Variants in DCHS2 observed in about 807,000 individuals in gnomAD.
DCHS2 encodes dachsous cadherin-related 2.
Under a neutral mutation model 182.4 loss-of-function variants are expected in DCHS2, and 142 were observed. That is an observed-to-expected ratio of 0.78 (90% CI 0.68 to 0.89). The LOEUF (loss-of-function observed/expected upper bound fraction) is 0.89. Ranked by LOEUF, DCHS2 falls within the 40% of genes least tolerant of loss-of-function variation. The pLI, the probability that DCHS2 is intolerant of heterozygous loss-of-function variation, is 0.00. For synonymous variants in DCHS2, 1,740 were observed against 1,663.3 expected, an observed-to-expected ratio of 1.05 and a Z score of -1.12; for missense variants, 4,319 against 4,198.6, an observed-to-expected ratio of 1.03 and a Z score of -0.79.
chr4:154,321,679 C>A (rs185552562), intron 8 of DCHS2, among the ~76,000 whole-genome samples: 2 of 152,230 alleles, frequency 1.3e-5, no homozygotes, highest in South Asian at 2.1e-4. Context: ...TTTCTCTTAA[C>A]CCACATACCC....
chr4:154,258,195 C>T (rs1369495171), intron 15 of DCHS2, among the ~76,000 whole-genome samples: 1 of 152,084 alleles, frequency 6.6e-6, no homozygotes, highest in Non-Finnish European at 1.5e-5. Context: ...AGCAATCAGG[C>T]TGCTATAAAA....
Position 154,489,564 on chromosome 4 carries a change from G to C in DCHS2, c.1792C>G (p.His598Asp). The part of the protein sequence containing the change: ...NLGSLQSKMV[H>D]TAECGPSFAI... ...AAAGATGGTCCACACTCTGCGGTGTGGACCATCTTTGATTGCAGGGAGCCG... is the reference window on the plus strand; with the variant it reads ...AAAGATGGTCCACACTCTGCGGTGTCGACCATCTTTGATTGCAGGGAGCCG... The change falls in exon 1 of 20, where the codon CAC becomes GAC. Residue 598 changes from histidine to aspartate, a missense_variant. Physicochemically the swap from His to Asp is moderately conservative, Grantham distance 81. Transcript: ENST00000357232. The C allele has an allele frequency of 1.3e-6, 2 of 1,551,158 alleles. No individual in the cohort carries two copies. The highest frequency in any genetic ancestry group is 8.7e-7 in the Non-Finnish European group (1 of 1,146,658).
rs772344108 is a variant in DCHS2, at chr4:154,234,861, A to G, written c.9791T>C (p.Met3264Thr). Residue 3264 changes from methionine (M) to threonine (T), a missense_variant, in exon 20 of 20, where the codon ATG (methionine) becomes ACG (threonine). Met to Thr is a moderately conservative substitution (Grantham distance 81). Coordinates refer to ENST00000357232, the MANE Select transcript of DCHS2 (RefSeq NM_001358235.2). ...IAKLKDEHLH[M>T]PGIPKEKKSF... is the part of the protein sequence containing the mutation. ...TTTCTTCTCTTTTGGAATGCCAGGC[A>G]TATGCAAATGTTCATCCTTTAGTTT... 9.9e-6 allele frequency: 16 copies of G among 1,614,146 alleles called. No homozygotes were observed. The South Asian group carries it at 1.5e-4, about 16-fold the overall frequency.
chr4:154,297,711 T>G, intron 13 of DCHS2, 140 bp downstream of exon 13: 1 of 1,366,034 alleles, frequency 7.3e-7, no homozygotes, highest in Non-Finnish European at 9.8e-7. Context: ...CTTAACCATG[T>G]TTATTCCAAT....
chr4:154,290,477 T>G (rs1319248310), intron 13 of DCHS2, among the ~76,000 whole-genome samples: 1 of 151,900 alleles, frequency 6.6e-6, no homozygotes, highest in Non-Finnish European at 1.5e-5. Flanking sequence ...CCCATCATAG[T>G]CAAAGCTATC....
chr4:154,413,744 C>T (rs563752346), intron 1 of DCHS2, among the ~76,000 whole-genome samples: 1 of 152,304 alleles, frequency 6.6e-6, no homozygotes, highest in East Asian at 1.9e-4. Flanking sequence ...TATAAGATGG[C>T]CCTCCTTACC....
chr4:154,361,069 G>C (rs1730095515), intron 3 of DCHS2, among the ~76,000 whole-genome samples: 1 of 151,054 alleles, frequency 6.6e-6, no homozygotes, highest in South Asian at 2.1e-4. Context: ...GAATAGATAA[G>C]CTACATTCTG....
chr4:154,320,293 T>A, intron 9 of DCHS2, 86 bp downstream of exon 9: 1 of 1,520,804 alleles, frequency 6.6e-7, no homozygotes, highest in African/African-American at 1.4e-5. Context: ...ATTGTACACT[T>A]AAAACTTTGT....
intron 1 of DCHS2, among the ~76,000 whole-genome samples, chr4:154,415,600 A>T (rs1319709712): frequency 6.6e-6 from 1 of 152,222 alleles, no homozygotes; most frequent in Non-Finnish European, 1.5e-5. Context: ...TGGGGGAAAG[A>T]CAGAAAGACT....
rs761506572 is a variant in DCHS2, at chr4:154,236,784, AG to A, written c.7867del (p.Leu2623TrpfsTer23). 6.2e-7 allele frequency: 1 copy of A among 1,614,022 alleles called. No individual in the cohort carries two copies. Among genetic ancestry groups the A allele is most frequent in the Non-Finnish European group, 8.5e-7 (1 of 1,179,966 alleles). On this transcript the variant is annotated frameshift_variant, in exon 20 of 20. Transcript: ENST00000357232. LOFTEE classifies it low-confidence loss of function (END_TRUNC). ...ATGGCTAGCACTTGCTTCTCTGTCC[AG>A]ACTGTGAAGCAACACAAGATAACCG... is the stretch of plus-strand genomic sequence containing the variant. ...QVGYLVLLHS[L>X]DREASASHEL...
At chr4:154,442,829 G>C (rs931775422) in intron 1 of DCHS2, among the ~76,000 whole-genome samples, 4 of 151,802 alleles carry the variant, frequency 2.6e-5, no homozygotes, top group Non-Finnish European at 4.4e-5. Context: ...TCTTTCTCTT[G>C]GTCACTAGTT....
intron 1 of DCHS2, among the ~76,000 whole-genome samples, chr4:154,438,717 G>A (rs1012810104): frequency 1.7e-4 from 26 of 152,064 alleles, no homozygotes; most frequent in Admixed American, 8.5e-4. Flanking sequence ...TTTCCTAGTC[G>A]CTTTATTCCT....
intron 13 of DCHS2, among the ~76,000 whole-genome samples, chr4:154,278,534 T>A (rs1216458153): frequency 6.6e-6 from 1 of 151,538 alleles, no homozygotes; most frequent in Non-Finnish European, 1.5e-5. Flanking sequence ...TAAAGGACTA[T>A]ACATAGGATA....
intron 2 of DCHS2, among the ~76,000 whole-genome samples, chr4:154,366,747 T>G (rs1000570158): frequency 6.6e-6 from 1 of 152,198 alleles, no homozygotes; most frequent in African/African-American, 2.4e-5. Flanking sequence ...TACACTTCAC[T>G]GCTGATTCTT....
chr4:154,351,463 A>G lies in DCHS2; in HGVS notation c.2476+14747T>C, dbSNP rs536659859. On this transcript the variant is annotated intron_variant, in intron 3 of 19. Transcript: ENST00000357232. ...TATTACTGAAAATAGAAATCTATAG[A>G]TGATATAGGTTTAGCAGATTGAAAA... 4.6e-5 allele frequency among the ~76,000 whole-genome samples: 7 copies of G among 152,332 alleles called. No homozygotes were observed. The South Asian group carries it at 1.5e-3, about 32-fold the overall frequency.
chr4:154,442,009 C>G (rs1170020300), intron 1 of DCHS2, among the ~76,000 whole-genome samples: 1 of 152,034 alleles, frequency 6.6e-6, no homozygotes, highest in Non-Finnish European at 1.5e-5. Context: ...ACCACTAAAC[C>G]AAAGTCTCCT....
intron 1 of DCHS2, among the ~76,000 whole-genome samples, chr4:154,446,051 A>G (rs1255111760): frequency 6.6e-6 from 1 of 152,212 alleles, no homozygotes; most frequent in Non-Finnish European, 1.5e-5. Flanking sequence ...TTTCATCTAC[A>G]TTTTCCTGTC....
chr4:154,378,499 G>GGGAAGGAAGGAAGGACGGAAGGAAGGAA (rs1731018062), intron 1 of DCHS2, among the ~76,000 whole-genome samples: 1 of 56,312 alleles, frequency 1.8e-5, no homozygotes, highest in Non-Finnish European at 3.5e-5. Context: ...GAGGGAGGGT[G>GGGAAGGAAGGAAGGACGGAAGGAAGGAA]GGAAGGAAGG....
At chr4:154,405,154 G>T (rs1427856975) in intron 1 of DCHS2, among the ~76,000 whole-genome samples, 1 of 152,140 alleles carries the variant, frequency 6.6e-6, no homozygotes, top group Non-Finnish European at 1.5e-5. Context: ...GGAGGCAGAG[G>T]CAGGAAAATC....
Sources: allele counts gnomAD v4.1 joint callset (sites outside exome capture counted in the v4.1 genomes callset), GRCh38; gene constraint gnomAD v4.1.1; transcripts MANE v1.5; gene names NCBI Gene and HGNC (gene_info 2026-07-23, HGNC 2026-07-21).